The following KIAA1217 variants were observed in gnomAD, a reference collection of about 807,000 sequenced individuals.
KIAA1217 encodes KIAA1217.
KIAA1217 carries 88 observed loss-of-function variants against 163.9 expected under a neutral mutation model. That is an observed-to-expected ratio of 0.54 (90% CI 0.45 to 0.64). The LOEUF is 0.64. Among genes scored for constraint, KIAA1217 ranks in the 30% least tolerant of loss-of-function variants. The pLI is 0.00. For synonymous variants in KIAA1217, 903 were observed against 923.1 expected, an observed-to-expected ratio of 0.98 and a Z score of 0.39; for missense variants, 2,372 against 2,475.0, an observed-to-expected ratio of 0.96 and a Z score of 0.88.
intron 2 of KIAA1217, among the ~76,000 whole-genome samples, chr10:24,038,540 T>A (rs1468409139): frequency 6.6e-6 from 1 of 152,108 alleles, no homozygotes; most frequent in Non-Finnish European, 1.5e-5. Flanking sequence ...TGGCAGGTAG[T>A]CCCTACAAAA....
chr10:23,878,530 A>G (rs938904932), intron 1 of KIAA1217, among the ~76,000 whole-genome samples: 2 of 151,938 alleles, frequency 1.3e-5, no homozygotes, highest in Non-Finnish European at 2.9e-5. Flanking sequence ...TTGAGAGAGA[A>G]GCAGAATAAA....
At chr10:24,479,356 AC>A (rs369258338) in intron 6 of KIAA1217, among the ~76,000 whole-genome samples, 37 of 151,884 alleles carry the variant, frequency 2.4e-4, no homozygotes, top group African/African-American at 8.8e-4. Flanking sequence ...CGACTGGAAG[AC>A]CTTTGAAGAT....
intron 1 of KIAA1217, among the ~76,000 whole-genome samples, chr10:23,952,565 T>C (rs932415281): frequency 6.6e-6 from 1 of 152,212 alleles, no homozygotes; most frequent in Non-Finnish European, 1.5e-5. Context: ...TCAGTACTCT[T>C]CCTGGCCATT....
At chr10:23,927,792 T>C (rs902078485) in intron 1 of KIAA1217, among the ~76,000 whole-genome samples, 9 of 152,182 alleles carry the variant, frequency 5.9e-5, no homozygotes, top group Non-Finnish European at 1.2e-4. Flanking sequence ...TATTCAGGCC[T>C]CCGGAGACAG....
intron 3 of KIAA1217, among the ~76,000 whole-genome samples, chr10:24,432,242 C>T (rs570635039): frequency 9.3e-5 from 14 of 151,300 alleles, no homozygotes; most frequent in Non-Finnish European, 1.8e-4. Context: ...CTCAGCCTCC[C>T]GAGTAGCTGG....
intron 3 of KIAA1217, among the ~76,000 whole-genome samples, chr10:24,388,598 A>C (rs1203646070): frequency 6.6e-6 from 1 of 152,200 alleles, no homozygotes; most frequent in Non-Finnish European, 1.5e-5. Flanking sequence ...ACAGCAAAAG[A>C]AACTACCATC....
chr10:24,109,864 T>C (rs2062777032), intron 2 of KIAA1217, among the ~76,000 whole-genome samples: 1 of 152,220 alleles, frequency 6.6e-6, no homozygotes, highest in Admixed American at 6.5e-5. Flanking sequence ...ATTGATGTCA[T>C]GGTTTGTTTG....
At chr10:24,027,154 T>C (rs1266772826) in intron 2 of KIAA1217, among the ~76,000 whole-genome samples, 1 of 152,084 alleles carries the variant, frequency 6.6e-6, no homozygotes, top group Admixed American at 6.6e-5. Flanking sequence ...CAGCACCTCC[T>C]CTGACTGAAA....
At chr10:24,469,164 C>T (rs1458946240) in intron 5 of KIAA1217, among the ~76,000 whole-genome samples, 1 of 152,064 alleles carries the variant, frequency 6.6e-6, no homozygotes, top group South Asian at 2.1e-4. Flanking sequence ...CTTGCTGTGT[C>T]GCCCAGGTTG....
At chr10:24,162,886 C>A (rs182875351) in intron 2 of KIAA1217, among the ~76,000 whole-genome samples, 110 of 152,288 alleles carry the variant, frequency 7.2e-4, no homozygotes, top group African/African-American at 2.6e-3. Context: ...CTATGTGGGC[C>A]TTTCCAAAGG....
intron 2 of KIAA1217, among the ~76,000 whole-genome samples, chr10:24,336,654 T>C (rs80193204): frequency 0.013 from 2,039 of 152,296 alleles, 40 homozygotes; most frequent in East Asian, 0.088. Context: ...ATCTATACTT[T>C]GATATAAAGG....
intron 1 of KIAA1217, among the ~76,000 whole-genome samples, chr10:23,863,877 A>T (rs552107938): frequency 6.6e-6 from 1 of 152,170 alleles, no homozygotes; most frequent in East Asian, 1.9e-4. Context: ...CTGAACTACT[A>T]TGCCAGCTAC....
intron 2 of KIAA1217, among the ~76,000 whole-genome samples, chr10:24,192,562 T>G (rs1420658953): frequency 5.3e-5 from 8 of 152,214 alleles, no homozygotes; most frequent in Non-Finnish European, 1.2e-4. Context: ...CCCAGGCTTC[T>G]AAGAGAAGCA....
rs71397929 is a variant in KIAA1217 at position 24,075,119 on chromosome 10, TACACACACACACACAC to T, written c.-171+67776_-171+67791del. Among the ~76,000 whole-genome samples, 325 of 131,562 alleles carry T rather than the reference TACACACACACACACAC, an allele frequency of 2.5e-3. 1 individual carries two copies. Among genetic ancestry groups the T allele is most frequent in the Middle Eastern group, 0.02 (5 of 252 alleles). 86.3% of individuals were successfully genotyped at this position (131,562 alleles called of 152,430 possible). ...AGAAAGTCCTTCTGTTCCCCCTAAATACACACACACACACACACACACACACACACACACACACACA... is the reference window on the plus strand; with the variant it reads ...AGAAAGTCCTTCTGTTCCCCCTAAATACACACACACACACACACACACACA... On this transcript the variant is annotated intron_variant, in intron 2 of 18. Transcript: ENST00000376462.
In KIAA1217 at chr10:23,748,365, T is replaced by A. The variant is rs538705261; in HGVS notation, c.-321+53131T>A. ...AGATTCTATGAGAGCAGGAACCCCA[T>A]GTGATTTGTTTACCCAGAATTTTCT... is the stretch of plus-strand genomic sequence containing the variant. On this transcript the variant is annotated intron_variant, in intron 1 of 18. Transcript: ENST00000376462. Among the ~76,000 whole-genome samples the A allele has an allele frequency of 1.7e-3, 258 of 151,264 alleles. 1 individual carries two copies. Among genetic ancestry groups the A allele is most frequent in the South Asian group, 3.4e-3 (16 of 4,750 alleles).
intron 5 of KIAA1217, among the ~76,000 whole-genome samples, chr10:24,439,490 C>G (rs1474223931): frequency 6.6e-6 from 1 of 152,184 alleles, no homozygotes; most frequent in East Asian, 1.9e-4. Flanking sequence ...TATTAGTTTC[C>G]TGTTGCTGCT....
At chr10:23,976,990 TA>T (rs1157881640) in intron 1 of KIAA1217, among the ~76,000 whole-genome samples, 1 of 152,232 alleles carries the variant, frequency 6.6e-6, no homozygotes, top group African/African-American at 2.4e-5. Context: ...CTCAGCAGAA[TA>T]ACAGTGAAAA....
intron 2 of KIAA1217, among the ~76,000 whole-genome samples, chr10:24,103,636 T>C (rs916921110): frequency 2.6e-5 from 4 of 152,062 alleles, no homozygotes; most frequent in African/African-American, 9.7e-5. Context: ...AAAAAAAGCA[T>C]ATGAAAAGAT....
chr10:24,188,565 A>T (rs1028489185), intron 2 of KIAA1217, among the ~76,000 whole-genome samples: 1 of 152,210 alleles, frequency 6.6e-6, no homozygotes, highest in Non-Finnish European at 1.5e-5. Context: ...CATTCTCTGC[A>T]GTATTCAATA....
Sources: allele counts gnomAD v4.1 joint callset (sites outside exome capture counted in the v4.1 genomes callset), GRCh38; gene constraint gnomAD v4.1.1; transcripts MANE v1.5; gene names NCBI Gene and HGNC (gene_info 2026-07-23, HGNC 2026-07-21).